MAGI2: variants seen among roughly 807,000 people sequenced by gnomAD.
MAGI2 encodes membrane-associated guanylate kinase, WW and PDZ domain-containing protein 2.
MAGI2 carries 35 observed loss-of-function variants against 133.3 expected under a neutral mutation model. That is an observed-to-expected ratio of 0.26 (90% CI 0.20 to 0.35). The LOEUF (loss-of-function observed/expected upper bound fraction) is 0.35, where lower values mean the gene tolerates loss of function less well. Among genes scored for constraint, MAGI2 ranks in the 10% least tolerant of loss-of-function variants. The pLI is 1.00. For missense variants in MAGI2, 1,636 were observed against 1,863.4 expected (o/e 0.88, Z 2.25); for synonymous variants, 729 against 710.6 (o/e 1.03, Z -0.41).
chr7:78,206,454 G>A (rs1156732421), intron 10 of MAGI2, among the ~76,000 whole-genome samples: 1 of 151,994 alleles, frequency 6.6e-6, no homozygotes, highest in Non-Finnish European at 1.5e-5. Context: ...ACCATGCCCA[G>A]CTAATTTTTG....
At chr7:78,818,532 A>G (rs1789806281) in intron 2 of MAGI2, among the ~76,000 whole-genome samples, 1 of 152,306 alleles carries the variant, frequency 6.6e-6, no homozygotes, top group East Asian at 1.9e-4. Context: ...AATTTATTTC[A>G]TTTTAATCCT....
At chr7:79,227,661 C>T (rs1830972832) in intron 1 of MAGI2, among the ~76,000 whole-genome samples, 1 of 152,160 alleles carries the variant, frequency 6.6e-6, no homozygotes, top group African/African-American at 2.4e-5. Context: ...TGAGAGTAAA[C>T]ATATAGGTGT....
chr7:79,335,736 G>C (rs1840394013), intron 1 of MAGI2, among the ~76,000 whole-genome samples: 1 of 151,984 alleles, frequency 6.6e-6, no homozygotes, highest in East Asian at 1.9e-4. Context: ...GAAAAAATTT[G>C]AGCTAAAAGC....
intron 1 of MAGI2, among the ~76,000 whole-genome samples, chr7:79,447,103 T>G (rs2129203615): frequency 6.6e-6 from 1 of 152,258 alleles, no homozygotes; most frequent in Non-Finnish European, 1.5e-5. Flanking sequence ...TAACACAAAT[T>G]TTAACTTTTT....
At chr7:78,441,269 C>T (rs545343317) in intron 6 of MAGI2, among the ~76,000 whole-genome samples, 1 of 152,290 alleles carries the variant, frequency 6.6e-6, no homozygotes, top group African/African-American at 2.4e-5. Flanking sequence ...ATTCTCTATA[C>T]ACTTGAAGAT....
chr7:78,561,817 A>C (rs948308712), intron 3 of MAGI2, among the ~76,000 whole-genome samples: 4 of 152,186 alleles, frequency 2.6e-5, no homozygotes, highest in Non-Finnish European at 4.4e-5. Context: ...GGGATAGGCT[A>C]AAGTAAGAAT....
At chr7:78,343,988 G>A (rs1173928916) in intron 8 of MAGI2, 28 bp from the exon 9 acceptor site, 3 of 1,590,160 alleles carry the variant, frequency 1.9e-6, no homozygotes, top group Admixed American at 1.9e-5. Context: ...AGTTAAAAAA[G>A]AAAAAGGCAT....
chr7:79,249,686 C>G (rs1833088699), intron 1 of MAGI2, among the ~76,000 whole-genome samples: 1 of 152,060 alleles, frequency 6.6e-6, no homozygotes, highest in Non-Finnish European at 1.5e-5. Context: ...ATCCTGAGAC[C>G]TGATGGCTTC....
intron 3 of MAGI2, among the ~76,000 whole-genome samples, chr7:78,551,466 C>G (rs192440797): frequency 1.3e-5 from 2 of 152,184 alleles, no homozygotes; most frequent in East Asian, 1.9e-4. Context: ...TTCAAGAGAT[C>G]TTATTGCTTG....
chr7:79,382,618 T>C (rs1270024977), intron 1 of MAGI2, among the ~76,000 whole-genome samples: 1 of 151,578 alleles, frequency 6.6e-6, no homozygotes, highest in East Asian at 1.9e-4. Flanking sequence ...CACAAATGTG[T>C]TTTTGTAAGG....
At chr7:78,501,809 T>A in intron 4 of MAGI2, 22 bp from the exon 5 acceptor site, 1 of 1,595,290 alleles carries the variant, frequency 6.3e-7, no homozygotes, top group Non-Finnish European at 8.6e-7. Context: ...CAAGAGCACG[T>A]GGTTAGTCAC....
intron 6 of MAGI2, among the ~76,000 whole-genome samples, chr7:78,403,250 G>A (rs1456632240): frequency 6.6e-6 from 1 of 152,022 alleles, no homozygotes; most frequent in East Asian, 1.9e-4. Flanking sequence ...AACATGCGGT[G>A]TTTGGTTTTC....
chr7:79,251,950 AG>A (rs1036908163), intron 1 of MAGI2, among the ~76,000 whole-genome samples: 5 of 152,082 alleles, frequency 3.3e-5, no homozygotes, highest in African/African-American at 1.2e-4. Context: ...AGAGCCCAGG[AG>A]TTCAAGACCA....
intron 1 of MAGI2, among the ~76,000 whole-genome samples, chr7:79,101,785 A>C (rs977710723): frequency 1.3e-5 from 2 of 151,474 alleles, no homozygotes; most frequent in African/African-American, 4.8e-5. Flanking sequence ...CACAGGCTGA[A>C]TCTGCTCAAT....
chr7:78,862,769 A>AATGG (rs1432571154), intron 2 of MAGI2, among the ~76,000 whole-genome samples: 38 of 152,296 alleles, frequency 2.5e-4, no homozygotes, highest in African/African-American at 8.4e-4. Flanking sequence ...ACCATCTGGG[A>AATGG]CTAACAGGGC....
intron 2 of MAGI2, among the ~76,000 whole-genome samples, chr7:78,864,886 A>C (rs935524878): frequency 2.0e-5 from 3 of 152,210 alleles, no homozygotes; most frequent in African/African-American, 7.2e-5. Flanking sequence ...GAGATGCAGA[A>C]AGTTGAAGAA....
chr7:78,367,765 A>C (rs575194269), intron 7 of MAGI2, among the ~76,000 whole-genome samples: 1 of 152,332 alleles, frequency 6.6e-6, no homozygotes, highest in Admixed American at 6.5e-5. Flanking sequence ...AGTTTGATTC[A>C]GTGAATTAAG....
chr7:79,453,369 G>T lies in MAGI2; in HGVS notation c.-49C>A. ...TTCCTGGGCTCCTTGGGGTTAGGGG[G>T]GCTGGTGGTGAGAGAATGAGGATGG... On this transcript the variant is annotated 5_prime_UTR_variant, in exon 1 of 22. Coordinates refer to ENST00000354212, the MANE Select transcript of MAGI2 (RefSeq NM_012301.4). 1 of 1,545,474 alleles carries T rather than the reference G, an allele frequency of 6.5e-7. No homozygotes were observed. The highest frequency in any genetic ancestry group is 8.7e-7 in the Non-Finnish European group (1 of 1,148,808).
At chr7:78,298,998 G>A (rs1047963304) in intron 9 of MAGI2, among the ~76,000 whole-genome samples, 2 of 151,324 alleles carry the variant, frequency 1.3e-5, no homozygotes, top group Non-Finnish European at 2.9e-5. Context: ...GTATTTTTTA[G>A]TACAGACAGG....
Sources: gnomAD v4.1 joint callset for allele counts (sites outside exome capture counted in the v4.1 genomes callset) on GRCh38, gnomAD v4.1.1 for gene constraint, MANE v1.5 for transcripts, NCBI Gene and HGNC (gene_info 2026-07-23, HGNC 2026-07-21) for gene names.